Variants in SATL1 observed in about 807,000 individuals in gnomAD.
SATL1 encodes the protein spermidine/spermine N(1)-acetyltransferase-like protein 1.
In SATL1, 47 loss-of-function variants were observed where a neutral mutation model predicts 51.8. The observed-to-expected ratio is 0.91, with a 90% confidence interval of 0.72 to 1.16. The LOEUF (loss-of-function observed/expected upper bound fraction) is 1.16. Ranked by LOEUF, SATL1 falls within the 50% of genes most tolerant of loss-of-function variation. SATL1 has a pLI of 0.00. For missense variants in SATL1, 520 were observed against 526.4 expected (o/e 0.99, Z 0.12); for synonymous variants, 176 against 182.4 (o/e 0.97, Z 0.28).
chrX:85,199,861 T>C (rs969084099), intron 2 of SATL1, among the ~76,000 whole-genome samples: 4 of 111,611 alleles, frequency 3.6e-5, no homozygotes, highest in African/African-American at 1.3e-4. Context: ...TAGTTAGACA[T>C]ATTGAATAAG....
chrX:85,203,214 T>C (rs1927722094), intron 2 of SATL1, among the ~76,000 whole-genome samples: 1 of 111,418 alleles, frequency 9.0e-6, no homozygotes, highest in African/African-American at 3.3e-5. Flanking sequence ...CAGGGAGGTA[T>C]GGACCTGTTG....
chrX:85,178,529 G>A (rs1927128760), intron 2 of SATL1, among the ~76,000 whole-genome samples: 1 of 107,264 alleles, frequency 9.3e-6, no homozygotes, highest in South Asian at 4.1e-4. Flanking sequence ...AATTCTAGTA[G>A]TGCAACACAA....
intron 6 of SATL1, 95 bp from the exon 7 acceptor site, chrX:85,093,320 T>C (rs2147677492): frequency 1.2e-6 from 1 of 854,018 alleles, no homozygotes; most frequent in South Asian, 2.7e-5. Flanking sequence ...ACTCTGTATC[T>C]GTTTTTTGTA....
chrX:85,095,122 G>A (rs4828327), intron 4 of SATL1, 126 bp from the exon 5 acceptor site: 1 of 455,214 alleles, frequency 2.2e-6, no homozygotes, highest in African/African-American at 2.4e-5. Context: ...AAACTGAAGT[G>A]AATATTTTGG....
Position 85,094,205 on chromosome X carries a change from A to G in SATL1, c.1799T>C (p.Met600Thr), listed in dbSNP as rs1396242729. ...CCATGAGTCGTATGTAAAGTAGTACATGGCAAATCCAACAGTCAGTTTGCC... is the reference window on the plus strand; with the variant it reads ...CCATGAGTCGTATGTAAAGTAGTACGTGGCAAATCCAACAGTCAGTTTGCC... ...PSGKLTVGFA[M>T]YYFTYDSWTG... is the part of the protein sequence containing the mutation. Residue 600 changes from methionine to threonine, a missense_variant, in exon 6 of 8, where the codon ATG becomes ACG. Around this residue, in one of 3 missense-constraint regions of SATL1, gnomAD observed 488 missense variants for 474.3 expected, o/e 1.03. Transcript: ENST00000644105. 8.4e-7 allele frequency: 1 copy of G among 1,183,759 alleles called. No homozygotes were observed. Among genetic ancestry groups the G allele is most frequent in the East Asian group, 3.0e-5 (1 of 33,659 alleles).
rs895375516 is a variant in SATL1, at chrX:85,115,566, G to A, written c.-312-6286C>T. Among the ~76,000 whole-genome samples, 4 of 112,043 alleles carry A rather than the reference G, an allele frequency of 3.6e-5. 1 individual carries two copies. The highest frequency in any genetic ancestry group is 5.6e-5 in the Non-Finnish European group (3 of 53,226). ...CCCATGTTTTTGCTGCCAAGAAAAC[G>A]TGGCAAGAGCTCTGGGTGCAAAAAT... On this transcript the variant is annotated intron_variant, in intron 2 of 7. Coordinates refer to ENST00000644105, the MANE Select transcript of SATL1 (RefSeq NM_001367857.2).
chrX:85,107,850 T>G lies in SATL1; in HGVS notation c.1119A>C (p.Gln373His). ...QSSTSQAGTN[Q>H]SGISQPVMWQ... Reference sequence around the variant, plus strand: ...ACATCACTGGTTGGCTTATACCTGATTGGTTTGTGCCTGCTTGGCTCGTGC... The same window carrying G: ...ACATCACTGGTTGGCTTATACCTGAGTGGTTTGTGCCTGCTTGGCTCGTGC... Residue 373 changes from glutamine to histidine, a missense_variant, in exon 3 of 8, where the codon CAA becomes CAC. Physicochemically the swap from Gln to His is conservative, Grantham distance 24. Around this residue, in one of 3 missense-constraint regions of SATL1, gnomAD observed 488 missense variants for 474.3 expected, o/e 1.03. Coordinates refer to ENST00000644105, the MANE Select transcript of SATL1 (RefSeq NM_001367857.2). 5 of 1,211,696 alleles carry G rather than the reference T, an allele frequency of 4.1e-6. No homozygotes were observed. Among genetic ancestry groups the G allele is most frequent in the Non-Finnish European group, 5.6e-6 (5 of 895,539 alleles).
chrX:85,221,297 T>G (rs1410953250), intron 2 of SATL1, among the ~76,000 whole-genome samples: 1 of 112,044 alleles, frequency 8.9e-6, no homozygotes, highest in East Asian at 2.8e-4. Context: ...CTTACTATGA[T>G]GTAAGCACAC....
chrX:85,149,343 T>C (rs1926352509), intron 2 of SATL1, among the ~76,000 whole-genome samples: 1 of 111,322 alleles, frequency 9.0e-6, no homozygotes, highest in Non-Finnish European at 1.9e-5. Context: ...CAAAGAGTCT[T>C]AGACTCCCAT....
Position 85,166,942 on chromosome X carries a change from T to A in SATL1, c.-313+57263A>T, listed in dbSNP as rs1217934134. The stretch of plus-strand genomic sequence containing the variant: ...ATATATATATATATATATATGTGTA[T>A]GTGTGTGTGTGTGTGTGTGTGTGTG... On this transcript the variant is annotated intron_variant, in intron 2 of 7. Coordinates refer to ENST00000644105, the MANE Select transcript of SATL1 (RefSeq NM_001367857.2). Among the ~76,000 whole-genome samples the A allele has an allele frequency of 6.2e-5, 3 of 48,542 alleles. No homozygotes were observed. In the South Asian group the frequency reaches 2.8e-3, roughly 45 times the overall value. The allele number at this position is 48,542 out of a possible 115,157, so 42.2% of individuals were successfully genotyped here.
intron 2 of SATL1, among the ~76,000 whole-genome samples, chrX:85,155,217 C>A (rs1033276368): frequency 2.7e-5 from 3 of 111,325 alleles, no homozygotes; most frequent in African/African-American, 9.8e-5. Flanking sequence ...CACCATTTGA[C>A]AGAGGTTGGA....
chrX:85,147,136 C>T (rs6524422), intron 2 of SATL1, among the ~76,000 whole-genome samples: 3,809 of 112,776 alleles, frequency 0.034, 88 homozygotes, highest in African/African-American at 0.12. Flanking sequence ...GCTTTTCCGA[C>T]GGGCTTAAAA....
chrX:85,151,973 A>C (rs1926454614), intron 2 of SATL1, among the ~76,000 whole-genome samples: 1 of 110,116 alleles, frequency 9.1e-6, no homozygotes, highest in Admixed American at 9.7e-5. Flanking sequence ...AATGGGATCT[A>C]ATTAAACTAA....
At chrX:85,152,372 T>C (rs375782634) in intron 2 of SATL1, among the ~76,000 whole-genome samples, 2 of 111,627 alleles carry the variant, frequency 1.8e-5, no homozygotes, top group South Asian at 3.8e-4. Context: ...GTTGGTGGGA[T>C]TGTAAACTAG....
rs72067285 is a variant in SATL1, at chrX:85,125,519, AGTGTGTGT to A, written c.-312-16247_-312-16240del. On this transcript the variant is annotated intron_variant, in intron 2 of 7. Transcript: ENST00000644105. ...ACTTGAAGGTAAAAACACATAGGAA[AGTGTGTGT>A]GTGTGTGTGTGTGTGTGTGTAAGAG... Among the ~76,000 whole-genome samples the A allele has an allele frequency of 1.1e-4, 11 of 98,622 alleles. No individual in the cohort carries two copies. The East Asian group carries it at 1.9e-3, about 17-fold the overall frequency. 85.6% of individuals were successfully genotyped at this position (98,622 alleles called of 115,157 possible).
chrX:85,198,201 A>G (rs1321414855), intron 2 of SATL1, among the ~76,000 whole-genome samples: 2 of 111,835 alleles, frequency 1.8e-5, no homozygotes, highest in Non-Finnish European at 3.8e-5. Flanking sequence ...TCCATTGTGC[A>G]TATGTACTAT....
chrX:85,215,686 C>T (rs1928028638), intron 2 of SATL1, among the ~76,000 whole-genome samples: 1 of 112,546 alleles, frequency 8.9e-6, no homozygotes, highest in Non-Finnish European at 1.9e-5. Context: ...GCTACAGTGT[C>T]ACAATGACCT....
At chrX:85,102,854 G>A (rs1406005024) in intron 4 of SATL1, among the ~76,000 whole-genome samples, 1 of 110,516 alleles carries the variant, frequency 9.0e-6, no homozygotes, top group African/African-American at 3.3e-5. Context: ...TCCCTAATCT[G>A]AAATCTGAAA....
chrX:85,232,584 G>T (rs1928404011), intron 1 of SATL1, among the ~76,000 whole-genome samples: 1 of 111,563 alleles, frequency 9.0e-6, no homozygotes, highest in South Asian at 3.8e-4. Context: ...AGAGTCCCAG[G>T]CCTGGCAGCA....
Sources: gnomAD v4.1 joint callset for allele counts (sites outside exome capture counted in the v4.1 genomes callset) on GRCh38, gnomAD v4.1.1 for gene constraint, gnomAD v4.1.1 regional missense constraint, MANE v1.5 for transcripts, NCBI Gene and HGNC (gene_info 2026-07-23, HGNC 2026-07-21) for gene names.